The following ARHGAP28 variants were observed in gnomAD, a reference collection of about 807,000 sequenced individuals.
The protein encoded by ARHGAP28 is rho GTPase-activating protein 28.
ARHGAP28 carries 56 observed loss-of-function variants against 90.7 expected under a neutral mutation model. The ratio of observed to expected loss-of-function variants is 0.62; its 90% CI spans 0.50 to 0.77. The LOEUF is 0.77. ARHGAP28 is among the 30% of genes least tolerant of loss of function. ARHGAP28 has a pLI of 0.00. For synonymous variants in ARHGAP28, 308 were observed against 323.3 expected, an observed-to-expected ratio of 0.95 and a Z score of 0.51; for missense variants, 869 against 900.9, an observed-to-expected ratio of 0.96 and a Z score of 0.45.
chr18:6,735,215 T>C (rs1159375378), intron 1 of ARHGAP28, among the ~76,000 whole-genome samples: 1 of 152,250 alleles, frequency 6.6e-6, no homozygotes, highest in Non-Finnish European at 1.5e-5. Flanking sequence ...AAGTTTCTGC[T>C]TCTGCGTAAC....
At position 6,765,477 on chromosome 18, in the gene ARHGAP28, G is replaced by A. The variant is rs1295558043; in HGVS notation, c.122+35534G>A. Among the ~76,000 whole-genome samples the A allele has an allele frequency of 2.0e-5, 3 of 151,962 alleles. No individual in the cohort carries two copies. In the East Asian group the frequency reaches 5.8e-4, roughly 29 times the overall value. ...TGATCTGTAGGATTTTTAGGTACAC[G>A]GCTCTTTTTTTCCTTTCCAACACTG... On this transcript the variant is annotated intron_variant, in intron 1 of 17. Transcript: ENST00000383472.
intron 1 of ARHGAP28, among the ~76,000 whole-genome samples, chr18:6,802,536 G>A (rs1457245925): frequency 6.6e-6 from 1 of 151,618 alleles, no homozygotes; most frequent in Non-Finnish European, 1.5e-5. Flanking sequence ...AATAGAGACG[G>A]GGTTTCACCA....
rs143320304 is a variant in ARHGAP28 at position 6,829,354 on chromosome 18, C to T, written c.325+4390C>T. ...GTCTTCCCTTTTTCTGTGTTTGTAA[C>T]TCTCTTCTCCAATAGTGATAAACCT... On this transcript the variant is annotated intron_variant, in intron 2 of 17. Coordinates refer to ENST00000383472, the MANE Select transcript of ARHGAP28 (RefSeq NM_001366230.1). Among the ~76,000 whole-genome samples, 11 of 152,282 alleles carry T rather than the reference C, an allele frequency of 7.2e-5. No individual in the cohort carries two copies. The East Asian group carries it at 2.1e-3, about 29-fold the overall frequency.
intron 3 of ARHGAP28, among the ~76,000 whole-genome samples, chr18:6,848,762 C>G (rs1297445966): frequency 6.6e-6 from 1 of 152,164 alleles, no homozygotes; most frequent in South Asian, 2.1e-4. Context: ...CTGTCTTGAG[C>G]TCCATGTGAA....
At chr18:6,850,857 A>G (rs1246392703) in intron 3 of ARHGAP28, 177 bp from the exon 4 acceptor site, 3 of 1,536,600 alleles carry the variant, frequency 2.0e-6, no homozygotes, top group Non-Finnish European at 2.6e-6. Context: ...ATGAGGATCA[A>G]TGTAATTATG....
intron 11 of ARHGAP28, among the ~76,000 whole-genome samples, chr18:6,885,985 G>T (rs181205810): frequency 6.6e-6 from 1 of 151,966 alleles, no homozygotes; most frequent in East Asian, 1.9e-4. Context: ...TCCTGGACCT[G>T]CGTCATTATA....
chr18:6,810,964 C>T (rs1301444330), intron 1 of ARHGAP28, among the ~76,000 whole-genome samples: 1 of 151,998 alleles, frequency 6.6e-6, no homozygotes, highest in Admixed American at 6.6e-5. Context: ...TAGATTTGGG[C>T]CTCTCCCCAA....
At chr18:6,841,074 A>G (rs1056927673) in intron 3 of ARHGAP28, among the ~76,000 whole-genome samples, 3 of 148,228 alleles carry the variant, frequency 2.0e-5, no homozygotes, top group African/African-American at 5.1e-5. Context: ...ATAAACACCA[A>G]TTCCTCTGTT....
intron 1 of ARHGAP28, among the ~76,000 whole-genome samples, chr18:6,761,132 G>A (rs1600159833): frequency 1.3e-5 from 2 of 151,732 alleles, no homozygotes; most frequent in Admixed American, 6.6e-5. Flanking sequence ...GGTATCAGAA[G>A]TAAGGTTAGT....
At chr18:6,819,743 T>TAAAAAA (rs2056614639) in intron 1 of ARHGAP28, among the ~76,000 whole-genome samples, 1 of 152,208 alleles carries the variant, frequency 6.6e-6, no homozygotes, top group Admixed American at 6.5e-5. Context: ...TGTAGTCCCA[T>TAAAAAA]GGTGTTTATC....
intron 1 of ARHGAP28, among the ~76,000 whole-genome samples, chr18:6,809,394 G>A (rs1203225336): frequency 1.3e-5 from 2 of 152,130 alleles, no homozygotes; most frequent in Non-Finnish European, 2.9e-5. Context: ...CCATAATGAG[G>A]GTGTATTAGT....
intron 2 of ARHGAP28, among the ~76,000 whole-genome samples, chr18:6,830,042 AT>A (rs1286587106): frequency 2.0e-5 from 3 of 152,118 alleles, no homozygotes; most frequent in African/African-American, 7.2e-5. Context: ...TCCATAGTCC[AT>A]AGCATTCTCC....
intron 16 of ARHGAP28, among the ~76,000 whole-genome samples, chr18:6,901,257 T>A (rs2057336714): frequency 6.6e-6 from 1 of 152,232 alleles, no homozygotes. Context: ...ATGCATTTTT[T>A]AAATCACATT....
intron 4 of ARHGAP28, 118 bp from the exon 5 acceptor site, chr18:6,859,690 G>A: frequency 1.0e-6 from 1 of 993,774 alleles, no homozygotes; most frequent in African/African-American, 1.6e-5. Context: ...TCCATGCACA[G>A]GCAGTCATAA....
At position 6,908,956 on chromosome 18, in the gene ARHGAP28, TC is replaced by T. The variant is rs1474591670; in HGVS notation, c.2031-3del. 3 of 1,503,930 alleles carry T rather than the reference TC, an allele frequency of 2.0e-6. No homozygotes were observed. Among genetic ancestry groups the T allele is most frequent in the East Asian group, 4.5e-5 (2 of 44,186 alleles). 93.2% of individuals were successfully genotyped at this position (1,503,930 alleles called of 1,614,324 possible). A position where few individuals can be genotyped will look rare whatever the true frequency, so the allele number is the denominator to read the frequency against. ...AAATTATATTATTTTCTCATTTTTTTCAGTCATGGTTCATCAGAATGTATTA... is the reference window on the plus strand; with the variant it reads ...AAATTATATTATTTTCTCATTTTTTTAGTCATGGTTCATCAGAATGTATTA... On this transcript the variant is annotated splice_region_variant and splice_polypyrimidine_tract_variant and intron_variant, in intron 16 of 17. Coordinates refer to ENST00000383472, the MANE Select transcript of ARHGAP28 (RefSeq NM_001366230.1).
At chr18:6,787,164 G>C (rs539842626) in intron 1 of ARHGAP28, among the ~76,000 whole-genome samples, 1 of 146,014 alleles carries the variant, frequency 6.8e-6, no homozygotes, top group Non-Finnish European at 1.5e-5. Flanking sequence ...AGGTTGCAGT[G>C]AGCTGAGATC....
At chr18:6,909,248 GTCTT>G (rs1218367479) in intron 17 of ARHGAP28, among the ~76,000 whole-genome samples, 1 of 121,262 alleles carries the variant, frequency 8.2e-6, no homozygotes, top group African/African-American at 3.1e-5. Flanking sequence ...GTAGGCTTGG[GTCTT>G]TTCTTTTCTT....
chr18:6,827,651 C>A (rs1440259249), intron 2 of ARHGAP28, among the ~76,000 whole-genome samples: 3 of 143,894 alleles, frequency 2.1e-5, no homozygotes, highest in African/African-American at 2.6e-5. Context: ...ACCCCCCCCC[C>A]ACCTCCCTCC....
At chr18:6,909,286 TTTTCTTTTCTTTTC>T (rs946881238) in intron 17 of ARHGAP28, among the ~76,000 whole-genome samples, 1 of 54,304 alleles carries the variant, frequency 1.8e-5, no homozygotes, top group African/African-American at 5.2e-5. Flanking sequence ...TTTTCTTTTC[TTTTCTTTTCTTTTC>T]TTTTTTTTTT....
Sources: gnomAD v4.1 joint callset for allele counts (sites outside exome capture counted in the v4.1 genomes callset) on GRCh38, gnomAD v4.1.1 for gene constraint, MANE v1.5 for transcripts, NCBI Gene and HGNC (gene_info 2026-07-23, HGNC 2026-07-21) for gene names.